The following RBFOX1 variants were observed in gnomAD, a reference collection of about 807,000 sequenced individuals.
RBFOX1 encodes RNA binding protein fox-1 homolog 1.
A neutral mutation model predicts 57.7 loss-of-function variants in RBFOX1; 8 were observed. The observed-to-expected ratio is 0.14, with a 90% CI of 0.08 to 0.25. The LOEUF (loss-of-function observed/expected upper bound fraction) is 0.25. Among genes scored for constraint, RBFOX1 ranks in the 10% least tolerant of loss-of-function variants. The probability of loss-of-function intolerance (pLI) is 1.00; values close to 1 mark genes in which losing one functional copy is unlikely to be tolerated. For synonymous variants in RBFOX1, 326 were observed against 222.4 expected, an observed-to-expected ratio of 1.47 and a Z score of -4.15; for missense variants, 611 against 548.5, an observed-to-expected ratio of 1.11 and a Z score of -1.14.
At chr16:7,043,718 A>G (rs1242293621) in intron 3 of RBFOX1, among the ~76,000 whole-genome samples, 1 of 152,154 alleles carries the variant, frequency 6.6e-6, no homozygotes, top group Non-Finnish European at 1.5e-5. Flanking sequence ...CTATTTATCC[A>G]TTCATTTATT....
chr16:5,698,823 G>T (rs753671974), intron 3 of RBFOX1, among the ~76,000 whole-genome samples: 5 of 152,098 alleles, frequency 3.3e-5, no homozygotes, highest in Non-Finnish European at 7.4e-5. Flanking sequence ...TGAATACTTT[G>T]TTTTTAAAAT....
chr16:7,381,442 C>A (rs528818859), intron 4 of RBFOX1, among the ~76,000 whole-genome samples: 1 of 152,030 alleles, frequency 6.6e-6, no homozygotes, highest in African/African-American at 2.4e-5. Context: ...TTCCTGTTTT[C>A]TCAATGATCT....
At chr16:7,294,691 A>G (rs1270569719) in intron 4 of RBFOX1, among the ~76,000 whole-genome samples, 1 of 152,128 alleles carries the variant, frequency 6.6e-6, no homozygotes, top group Non-Finnish European at 1.5e-5. Flanking sequence ...ATTCCTGGAA[A>G]AAGAAAGCTT....
At chr16:5,895,201 G>A (rs2058136102) in intron 4 of RBFOX1, among the ~76,000 whole-genome samples, 1 of 152,124 alleles carries the variant, frequency 6.6e-6, no homozygotes, top group African/African-American at 2.4e-5. Flanking sequence ...AAATGCTGAG[G>A]TCATAGTGTT....
intron 4 of RBFOX1, among the ~76,000 whole-genome samples, chr16:7,274,736 G>A (rs924402110): frequency 5.9e-5 from 9 of 151,912 alleles, no homozygotes; most frequent in African/African-American, 1.9e-4. Context: ...CCAAGCTGCA[G>A]TGCAGTAAGA....
chr16:7,337,063 C>T (rs1481952724), intron 4 of RBFOX1, among the ~76,000 whole-genome samples: 1 of 152,146 alleles, frequency 6.6e-6, no homozygotes, highest in African/African-American at 2.4e-5. Context: ...CTGGTGACTC[C>T]AACGGGTCTT....
In RBFOX1 at chr16:6,281,875, C is replaced by A. The variant is rs1363521783; in HGVS notation, c.-126-35120C>A. Among the ~76,000 whole-genome samples the A allele has an allele frequency of 2.0e-5, 3 of 152,148 alleles. No individual in the cohort carries two copies. In the East Asian group the frequency reaches 5.8e-4, roughly 29 times the overall value. On this transcript the variant is annotated intron_variant, in intron 1 of 15. Transcript: ENST00000550418. ...CACTCTGACTTGATCCAGGTTGGAA[C>A]CCAGGCAATTTGACAAGGCTACCCC...
chr16:7,606,000 G>T (rs551543144), intron 9 of RBFOX1, among the ~76,000 whole-genome samples: 9 of 151,968 alleles, frequency 5.9e-5, no homozygotes, highest in African/African-American at 2.2e-4. Context: ...TAGAGTCAAG[G>T]TTTCGCCATG....
intron 3 of RBFOX1, among the ~76,000 whole-genome samples, chr16:7,038,420 C>T (rs549710028): frequency 6.6e-6 from 1 of 152,148 alleles, no homozygotes; most frequent in Non-Finnish European, 1.5e-5. Context: ...TTCTCCAGCC[C>T]TCCTCTGCCT....
intron 4 of RBFOX1, among the ~76,000 whole-genome samples, chr16:7,344,850 G>A (rs2096964648): frequency 1.3e-5 from 2 of 152,210 alleles, no homozygotes; most frequent in Admixed American, 6.5e-5. Flanking sequence ...CATCCTCCAT[G>A]GGGAAATGGC....
chr16:7,459,731 A>G (rs1480542988), intron 4 of RBFOX1, among the ~76,000 whole-genome samples: 1 of 152,210 alleles, frequency 6.6e-6, no homozygotes, highest in Non-Finnish European at 1.5e-5. Context: ...GCACCAGAAA[A>G]TCTTTCCCAG....
chr16:5,903,038 C>G (rs1464307399), intron 4 of RBFOX1, among the ~76,000 whole-genome samples: 5 of 152,112 alleles, frequency 3.3e-5, no homozygotes, highest in Non-Finnish European at 7.3e-5. Flanking sequence ...TGGTTAGGCT[C>G]CTAGCCTTTT....
chr16:6,652,603 C>T (rs2098605795), intron 2 of RBFOX1, among the ~76,000 whole-genome samples: 2 of 152,216 alleles, frequency 1.3e-5, no homozygotes, highest in African/African-American at 4.8e-5. Flanking sequence ...CCTTGAACTT[C>T]CACCTGTAGA....
intron 3 of RBFOX1, among the ~76,000 whole-genome samples, chr16:5,638,116 A>G (rs936510478): frequency 7.1e-4 from 108 of 152,358 alleles, no homozygotes; most frequent in African/African-American, 2.6e-3. Flanking sequence ...GTTCCCATTC[A>G]TAGATACAGT....
chr16:6,799,120 C>G (rs961344251), intron 3 of RBFOX1, among the ~76,000 whole-genome samples: 2 of 152,088 alleles, frequency 1.3e-5, no homozygotes, highest in African/African-American at 4.8e-5. Context: ...GCAGGTGAAT[C>G]CCAGAACTGG....
intron 3 of RBFOX1, among the ~76,000 whole-genome samples, chr16:5,859,117 A>G (rs1460926828): frequency 6.6e-6 from 1 of 152,084 alleles, no homozygotes; most frequent in Admixed American, 6.6e-5. Flanking sequence ...AGGCATAAGA[A>G]TTGCTTGAAC....
chr16:5,509,965 G>A (rs1290254365), intron 2 of RBFOX1, among the ~76,000 whole-genome samples: 2 of 152,158 alleles, frequency 1.3e-5, no homozygotes, highest in East Asian at 3.9e-4. Context: ...TGATGTCAGG[G>A]CACAAGTTCT....
chr16:7,456,223 C>G (rs1484577178), intron 4 of RBFOX1, among the ~76,000 whole-genome samples: 1 of 152,176 alleles, frequency 6.6e-6, no homozygotes, highest in Non-Finnish European at 1.5e-5. Flanking sequence ...TTAACAGTTC[C>G]TCCACGTTAG....
chr16:6,443,253 C>G (rs1205411458), intron 2 of RBFOX1, among the ~76,000 whole-genome samples: 1 of 152,086 alleles, frequency 6.6e-6, no homozygotes, highest in East Asian at 1.9e-4. Flanking sequence ...CCTTGTTTTC[C>G]TCCCTTTCTT....
Sources: allele counts gnomAD v4.1 joint callset (sites outside exome capture counted in the v4.1 genomes callset), GRCh38; gene constraint gnomAD v4.1.1; transcripts MANE v1.5; gene names NCBI Gene and HGNC (gene_info 2026-07-23, HGNC 2026-07-21).